Variants in SEZ6L2 observed in about 807,000 individuals in gnomAD.
SEZ6L2 encodes the protein seizure related 6 homolog like 2.
In SEZ6L2, 44 loss-of-function variants were observed where a neutral mutation model predicts 97.0. The ratio of observed to expected loss-of-function variants is 0.45; its 90% CI spans 0.36 to 0.58. SEZ6L2 has a LOEUF of 0.58. Ranked by LOEUF, SEZ6L2 falls within the 20% of genes least tolerant of loss-of-function variation. The pLI is 0.00. For synonymous variants in SEZ6L2, 543 were observed against 546.1 expected, an observed-to-expected ratio of 0.99 and a Z score of 0.08; for missense variants, 1,086 against 1,233.3, an observed-to-expected ratio of 0.88 and a Z score of 1.79.
intron 8 of SEZ6L2, among the ~76,000 whole-genome samples, chr16:29,881,620 CTTTTTTTTTT>C (rs59318540): frequency 1.3e-4 from 11 of 85,118 alleles, no homozygotes; most frequent in African/African-American, 3.6e-4. Context: ...ATGAGGAATT[CTTTTTTTTTT>C]TTTTTTTTTT....
intron 12 of SEZ6L2, among the ~76,000 whole-genome samples, chr16:29,874,507 C>A (rs1353943484): frequency 5.2e-5 from 7 of 133,908 alleles, no homozygotes; most frequent in African/African-American, 1.9e-4. Flanking sequence ...ACGTACCCTG[C>A]TAAATGTTTT....
Position 29,899,126 on chromosome 16 carries a change from T to G in SEZ6L2, c.-107A>C. 1.2e-6 allele frequency: 1 copy of G among 864,182 alleles called. No homozygotes were observed. The highest frequency in any genetic ancestry group is 1.8e-6 in the Non-Finnish European group (1 of 568,592). 53.5% of individuals were successfully genotyped at this position (864,182 alleles called of 1,614,324 possible). On this transcript the variant is annotated 5_prime_UTR_variant, in exon 1 of 18. Coordinates refer to ENST00000617533, the MANE Select transcript of SEZ6L2 (RefSeq NM_001243332.2). ...CCTTTAATTGTTTTTTTTTTTTTTT[T>G]TTTTTTCCTCGTAGGAGTCAGCAAA...
In SEZ6L2 at chr16:29,897,984, C is replaced by G; in HGVS notation, c.80G>C (p.Gly27Ala). Residue 27 changes from glycine (G) to alanine (A), a missense_variant and splice_region_variant, in exon 2 of 18, where the codon GGT (glycine) becomes GCT (alanine). Transcript: ENST00000617533. ...LILLSCPWIQ[G>A]LPLKEEEILP... ...TATCTCCTCCTCCTTCAGGGGCAGACCTAGGAGGTGAAGTTGTGTGAGCTT... is the reference window on the plus strand; with the variant it reads ...TATCTCCTCCTCCTTCAGGGGCAGAGCTAGGAGGTGAAGTTGTGTGAGCTT... 6.2e-7 allele frequency: 1 copy of G among 1,613,050 alleles called. No homozygotes were observed. The highest frequency in any genetic ancestry group is 8.5e-7 in the Non-Finnish European group (1 of 1,179,466).
At chr16:29,878,522 C>T (rs1596966028) in intron 9 of SEZ6L2, 97 bp from the exon 10 acceptor site, 3 of 976,878 alleles carry the variant, frequency 3.1e-6, no homozygotes, top group East Asian at 3.0e-5. Context: ...ACCACATCAC[C>T]TCGCTTGTTT....
chr16:29,895,769 G>T lies in SEZ6L2; in HGVS notation c.603C>A (p.Asp201Glu), dbSNP rs2068372905. Reference protein sequence around the residue: ...SPVSRTLGLLDCTYSIHVYPG... With the variant: ...SPVSRTLGLLECTYSIHVYPG... ...GGTAGACATGGATGCTGTAAGTGCA[G>T]TCCAGGAGCCCCAGGGTGCGGCTGA... The change falls in exon 4 of 18, where the codon GAC becomes GAA. Residue 201 changes from aspartate (D) to glutamate (E), a missense_variant. Asp to Glu is a conservative substitution (Grantham distance 45). Coordinates refer to ENST00000617533, the MANE Select transcript of SEZ6L2 (RefSeq NM_001243332.2). The T allele has an allele frequency of 1.9e-6, 3 of 1,614,130 alleles. No homozygotes were observed. The highest frequency in any genetic ancestry group is 2.5e-6 in the Non-Finnish European group (3 of 1,180,010).
At position 29,876,212 on chromosome 16, in the gene SEZ6L2, G is replaced by A. The variant is rs1181751631; in HGVS notation, c.2104+544C>T. 6.6e-6 allele frequency among the ~76,000 whole-genome samples: 1 copy of A among 152,150 alleles called. No individual in the cohort carries two copies. The highest frequency in any genetic ancestry group is 6.6e-5 in the Admixed American group (1 of 15,256). Reference sequence around the variant, plus strand: ...GCGAGCTCCATAAGAGTATGGAGGGGCTTGAACCCCCTTCGCCTAACCCCA... The same window carrying A: ...GCGAGCTCCATAAGAGTATGGAGGGACTTGAACCCCCTTCGCCTAACCCCA... On this transcript the variant is annotated intron_variant, in intron 12 of 17. Coordinates refer to ENST00000617533, the MANE Select transcript of SEZ6L2 (RefSeq NM_001243332.2). This position sits in a 1 kb window ranked among gnomAD's most constrained non-coding sequence, Gnocchi z 6.5.
At chr16:29,890,592 A>G (rs553331082) in intron 5 of SEZ6L2, among the ~76,000 whole-genome samples, 46 of 151,748 alleles carry the variant, frequency 3.0e-4, no homozygotes, top group Non-Finnish European at 5.9e-4. Flanking sequence ...CTCTCCCCCT[A>G]CTTTCTCATC....
chr16:29,886,846 T>C (rs185129651), intron 7 of SEZ6L2, among the ~76,000 whole-genome samples: 5 of 152,218 alleles, frequency 3.3e-5, no homozygotes, highest in Non-Finnish European at 4.4e-5. Context: ...ACAAAGAAGT[T>C]AAGTGATTTG....
Position 29,896,872 on chromosome 16 carries a change from G to C in SEZ6L2, c.461C>G (p.Thr154Arg). The C allele has an allele frequency of 1.2e-6, 2 of 1,614,008 alleles. No homozygotes were observed. Among genetic ancestry groups the C allele is most frequent in the Non-Finnish European group, 1.7e-6 (2 of 1,179,930 alleles). The stretch of plus-strand genomic sequence containing the variant: ...AGTTGTCGTGGTGATGATGGTGGTC[G>C]TCGTCTCCTCCTCTCCTCCCTCAGG... ...LGPEGGEEET[T>R]TTIITTTTVT... is the part of the protein sequence containing the mutation. Residue 154 changes from threonine (T) to arginine (R), a missense_variant, in exon 3 of 18, where the codon ACG (threonine) becomes AGG (arginine). By Grantham distance (71) the Thr-to-Arg change is moderately conservative (BLOSUM62 -1). Around this residue, in one of 2 missense-constraint regions of SEZ6L2, gnomAD observed 776 missense variants for 794.7 expected, o/e 0.98. Transcript: ENST00000617533.
intron 6 of SEZ6L2, 52 bp from the exon 7 acceptor site, chr16:29,887,869 C>T (rs772208497): frequency 1.9e-6 from 3 of 1,591,918 alleles, no homozygotes; most frequent in Non-Finnish European, 1.7e-6. Context: ...AACTGTCCTT[C>T]TCCTCGGGGC....
chr16:29,877,599 G>T, intron 10 of SEZ6L2, 132 bp from the exon 11 acceptor site: 1 of 852,492 alleles, frequency 1.2e-6, no homozygotes, highest in Non-Finnish European at 1.7e-6. Flanking sequence ...TCCTATCCCA[G>T]GTCTGGCGCC....
At chr16:29,890,493 G>C (rs2068248141) in intron 5 of SEZ6L2, among the ~76,000 whole-genome samples, 1 of 152,120 alleles carries the variant, frequency 6.6e-6, no homozygotes, top group Admixed American at 6.5e-5. Context: ...GCACATTCCA[G>C]GTTCAGGGTT....
At chr16:29,872,372 T>C in intron 16 of SEZ6L2, 37 bp downstream of exon 16, 1 of 1,608,868 alleles carries the variant, frequency 6.2e-7, no homozygotes, top group Non-Finnish European at 8.5e-7. Flanking sequence ...TCGCAAGACG[T>C]CTGCCCTGGC....
chr16:29,897,892 C>T lies in SEZ6L2; in HGVS notation c.172G>A (p.Ala58Thr), dbSNP rs759630874. 9 of 1,613,160 alleles carry T rather than the reference C, an allele frequency of 5.6e-6. No homozygotes were observed. In the African/African-American group the frequency reaches 1.1e-4, roughly 19 times the overall value. The change falls in exon 2 of 18, where the codon GCC becomes ACC. Residue 58 changes from alanine (A) to threonine (T), a missense_variant. Transcript: ENST00000617533. The part of the protein sequence containing the change: ...SEALAELLHG[A>T]LLRRGPEMGY... The stretch of plus-strand genomic sequence containing the variant: ...ATCTCTGGGCCCCTCCTCAGCAGGG[C>T]CCCATGAAGCAGTTCAGCCAGGGCC...
intron 8 of SEZ6L2, among the ~76,000 whole-genome samples, chr16:29,881,290 A>G (rs935903292): frequency 6.6e-6 from 1 of 152,176 alleles, no homozygotes; most frequent in African/African-American, 2.4e-5. Context: ...ACAATGGCAA[A>G]AGCAGGTCTC....
Position 29,895,289 on chromosome 16 carries a change from TTGGGACCCG to T in SEZ6L2, c.814_822del (p.Val273_Arg275del). The stretch of plus-strand genomic sequence containing the variant: ...TAGTGGATCCTGAAGCCACCGCCCC[TTGGGACCCG>T]TGGGCTCTGGAAGTGCAGAAGCAGC... On this transcript the variant is annotated inframe_deletion, in exon 5 of 18. Coordinates refer to ENST00000617533, the MANE Select transcript of SEZ6L2 (RefSeq NM_001243332.2). The T allele has an allele frequency of 6.2e-7, 1 of 1,613,748 alleles. No individual in the cohort carries two copies. Among genetic ancestry groups the T allele is most frequent in the East Asian group, 2.2e-5 (1 of 44,874 alleles).
At chr16:29,878,134 C>T (rs1333210035) in intron 10 of SEZ6L2, among the ~76,000 whole-genome samples, 153 bp downstream of exon 10, 4 of 152,192 alleles carry the variant, frequency 2.6e-5, no homozygotes, top group African/African-American at 4.8e-5. Context: ...AGCTCTCTCA[C>T]GTCTATCCTG....
rs139373007 is a variant in SEZ6L2, at chr16:29,873,406, C to T, written c.2322G>A (p.Pro774=). Residue 774 remains proline, a synonymous_variant, in exon 14 of 18, where the codon CCG becomes CCA. Transcript: ENST00000617533. The surrounding 1 kb of genome is among the most constrained non-coding windows in gnomAD (Gnocchi z 4.3). ...TCTGGTAGCCATTCTCGGGAACCCC[C>T]GGGTTCAGGCACGGCTCGTACTTCA... The part of the protein sequence containing the change: ...CALKYEPCLN[P]GVPENGYQTL... The T allele has an allele frequency of 2.0e-4, 321 of 1,614,252 alleles. No homozygotes were observed. In the African/African-American group the frequency reaches 3.3e-3, roughly 17 times the overall value.
intron 6 of SEZ6L2, 127 bp downstream of exon 6, chr16:29,888,413 T>A: frequency 1.1e-6 from 1 of 922,808 alleles, no homozygotes; most frequent in Non-Finnish European, 1.6e-6. Context: ...GGATGGGGAC[T>A]CCTCAGGGTA....
Sources: gnomAD v4.1 joint callset for allele counts (sites outside exome capture counted in the v4.1 genomes callset) on GRCh38, gnomAD v4.1.1 for gene constraint, gnomAD v4.1.1 regional missense constraint, Gnocchi (gnomAD v3.1) non-coding constraint, MANE v1.5 for transcripts, NCBI Gene and HGNC (gene_info 2026-07-23, HGNC 2026-07-21) for gene names.